The following ELP4 variants were observed in gnomAD, a reference collection of about 807,000 sequenced individuals.
ELP4 encodes elongator complex protein 4.
Under a neutral mutation model 48.9 loss-of-function variants are expected in ELP4, and 51 were observed. The ratio of observed to expected loss-of-function variants is 1.04; its 90% confidence interval spans 0.83 to 1.32. The LOEUF (loss-of-function observed/expected upper bound fraction) is 1.32. ELP4 is among the 40% of genes most tolerant of loss of function. ELP4 has a pLI of 0.00. For missense variants in ELP4, 519 were observed against 514.6 expected (o/e 1.01, Z -0.08); for synonymous variants, 210 against 189.2 (o/e 1.11, Z -0.90).
chr11:31,574,882 C>T (rs562013480), intron 3 of ELP4, among the ~76,000 whole-genome samples: 69 of 152,342 alleles, frequency 4.5e-4, no homozygotes, highest in Non-Finnish European at 8.4e-4. Flanking sequence ...ACCTCTTCTC[C>T]TCCAAAGGAA....
intron 2 of ELP4, among the ~76,000 whole-genome samples, chr11:31,530,201 G>A (rs1956370506): frequency 6.6e-6 from 1 of 152,106 alleles, no homozygotes. Flanking sequence ...GTTTTTAACT[G>A]GACAGTTCCA....
intron 9 of ELP4, among the ~76,000 whole-genome samples, chr11:31,734,459 C>T (rs1327255259): frequency 1.3e-5 from 2 of 151,924 alleles, no homozygotes; most frequent in African/African-American, 4.8e-5. Flanking sequence ...TGTAGAAAAC[C>T]CTAAAGATTC....
chr11:31,753,775 ATTAAATT>A (rs1276078105), intron 9 of ELP4, among the ~76,000 whole-genome samples: 1 of 152,248 alleles, frequency 6.6e-6, no homozygotes, highest in African/African-American at 2.4e-5. Context: ...TATGAAATTT[ATTAAATT>A]TTAAACATGT....
In ELP4 at chr11:31,656,929, T is replaced by G. The variant is rs112745387; in HGVS notation, c.1143+6708T>G. ...GGAATTAGTCCAGTTTACATGATAC[T>G]CTCTGAAACACTTCTTTTCATAATG... On this transcript the variant is annotated intron_variant, in intron 9 of 9. Transcript: ENST00000640961. Among the ~76,000 whole-genome samples the G allele has an allele frequency of 2.5e-3, 380 of 152,152 alleles. 1 individual carries two copies. Among genetic ancestry groups the G allele is most frequent in the African/African-American group, 8.8e-3 (364 of 41,542 alleles).
Position 31,789,761 on chromosome 11 carries a change from C to G in ELP4, c.*6237C>G. 1.4e-6 allele frequency: 1 copy of G among 720,070 alleles called. No individual in the cohort carries two copies. Among genetic ancestry groups the G allele is most frequent in the Non-Finnish European group, 2.5e-6 (1 of 395,446 alleles). 44.6% of individuals were successfully genotyped at this position (720,070 alleles called of 1,614,324 possible). ...ATCGTGCCTTCTGTATACAAAGGTC[C>G]TTGTTTCAAGTCCATTCCTTCCCCA... On this transcript the variant is annotated 3_prime_UTR_variant, in exon 10 of 10. Transcript: ENST00000640961.
At chr11:31,781,446 C>T (rs1438843321) in intron 9 of ELP4, among the ~76,000 whole-genome samples, 1 of 144,840 alleles carries the variant, frequency 6.9e-6, no homozygotes, top group Non-Finnish European at 1.5e-5. Flanking sequence ...ACATTTGTAA[C>T]CCCAAACTTT....
rs779388577 is a variant in ELP4, at chr11:31,789,715, T to C, written c.*6191T>C. The C allele has an allele frequency of 1.4e-6, 1 of 704,074 alleles. No individual in the cohort carries two copies. The highest frequency in any genetic ancestry group is 1.5e-5 in the South Asian group (1 of 67,290). The allele number at this position is 704,074 out of a possible 1,614,324, so 43.6% of individuals were successfully genotyped here. On this transcript the variant is annotated 3_prime_UTR_variant, in exon 10 of 10. Transcript: ENST00000640961. ...ATGAATAAAAGTTTGGATACCAAAA[T>C]GAAGATTTGTTCCAACTGATATCGT...
chr11:31,720,341 C>T (rs1946934665), intron 9 of ELP4, among the ~76,000 whole-genome samples: 1 of 151,820 alleles, frequency 6.6e-6, no homozygotes, highest in Non-Finnish European at 1.5e-5. Context: ...ACAATATGTT[C>T]CCTGTTTACA....
At chr11:31,594,505 G>A (rs889570838) in intron 3 of ELP4, among the ~76,000 whole-genome samples, 2 of 152,086 alleles carry the variant, frequency 1.3e-5, no homozygotes, top group Non-Finnish European at 2.9e-5. Context: ...CCTCTTGTTA[G>A]AATGGCAATT....
chr11:31,585,055 A>G (rs547656060), intron 3 of ELP4, among the ~76,000 whole-genome samples: 2 of 152,292 alleles, frequency 1.3e-5, no homozygotes, highest in Non-Finnish European at 2.9e-5. Context: ...ACAGATATGG[A>G]TCATAGGTCT....
At chr11:31,717,975 T>C (rs1946876052) in intron 9 of ELP4, among the ~76,000 whole-genome samples, 1 of 152,138 alleles carries the variant, frequency 6.6e-6, no homozygotes, top group African/African-American at 2.4e-5. Flanking sequence ...CACCCTTTCT[T>C]TAATGGACCC....
In ELP4 at chr11:31,789,857, G is replaced by A; in HGVS notation, c.*6333G>A. On this transcript the variant is annotated 3_prime_UTR_variant, in exon 10 of 10. Coordinates refer to ENST00000640961, the MANE Select transcript of ELP4 (RefSeq NM_019040.5). ...AGCCATTTTTCTTTCTTTCCTGAAA[G>A]CTCAACTGTTGTGTCCCCATAGTCA... The A allele has an allele frequency of 7.6e-7, 1 of 1,314,150 alleles. No individual in the cohort carries two copies. The highest frequency in any genetic ancestry group is 1.1e-6 in the Non-Finnish European group (1 of 930,122). 81.4% of individuals were successfully genotyped at this position (1,314,150 alleles called of 1,614,324 possible).
intron 3 of ELP4, among the ~76,000 whole-genome samples, chr11:31,583,839 G>C (rs1957429431): frequency 6.6e-6 from 1 of 152,204 alleles, no homozygotes; most frequent in Non-Finnish European, 1.5e-5. Flanking sequence ...TTCTATTCCA[G>C]AACTGTGAAA....
At chr11:31,740,786 G>A (rs533740885) in intron 9 of ELP4, among the ~76,000 whole-genome samples, 1 of 152,322 alleles carries the variant, frequency 6.6e-6, no homozygotes, top group South Asian at 2.1e-4. Context: ...AATAGGAACA[G>A]CTCCGGTCTA....
At chr11:31,541,675 A>G (rs950833654) in intron 3 of ELP4, among the ~76,000 whole-genome samples, 1 of 152,322 alleles carries the variant, frequency 6.6e-6, no homozygotes, top group East Asian at 1.9e-4. Flanking sequence ...AAAAATTTGC[A>G]CAGTTTGCTT....
chr11:31,696,733 T>C (rs1181780687), intron 9 of ELP4, among the ~76,000 whole-genome samples: 1 of 152,168 alleles, frequency 6.6e-6, no homozygotes, highest in Non-Finnish European at 1.5e-5. Context: ...CCATCCATGC[T>C]AGGAGGAAAC....
chr11:31,707,099 T>C, intron 9 of ELP4: 1 of 397,836 alleles, frequency 2.5e-6, no homozygotes, highest in Non-Finnish European at 4.4e-6. Flanking sequence ...AAATTCCCAG[T>C]AGTGGGATTG....
At chr11:31,736,534 C>G (rs1212802471) in intron 9 of ELP4, among the ~76,000 whole-genome samples, 6 of 152,148 alleles carry the variant, frequency 3.9e-5, no homozygotes, top group African/African-American at 1.2e-4. Flanking sequence ...TCAGAGTGAA[C>G]AGGCAACCTA....
intron 2 of ELP4, among the ~76,000 whole-genome samples, chr11:31,532,954 G>A (rs1352995717): frequency 6.6e-6 from 1 of 151,596 alleles, no homozygotes; most frequent in Non-Finnish European, 1.5e-5. Flanking sequence ...TATTTTTTTA[G>A]TAGAGACAGG....
Sources: gnomAD v4.1 joint callset for allele counts (sites outside exome capture counted in the v4.1 genomes callset) on GRCh38, gnomAD v4.1.1 for gene constraint, MANE v1.5 for transcripts, NCBI Gene and HGNC (gene_info 2026-07-23, HGNC 2026-07-21) for gene names.